Variants in MSI2 observed in about 807,000 individuals in gnomAD.
MSI2 encodes the protein RNA-binding protein Musashi homolog 2.
Under a neutral mutation model 45.6 loss-of-function variants are expected in MSI2, and 17 were observed. The observed-to-expected ratio is 0.37, with a 90% CI of 0.26 to 0.56. MSI2 has a LOEUF of 0.56. Among genes scored for constraint, MSI2 ranks in the 20% least tolerant of loss-of-function variants. The pLI is 0.77. For missense variants in MSI2, 293 were observed against 444.2 expected, an observed-to-expected ratio of 0.66 and a Z score of 3.06; for synonymous variants, 156 against 158.2, an observed-to-expected ratio of 0.99 and a Z score of 0.11.
At chr17:57,567,472 C>T (rs917330704) in intron 7 of MSI2, among the ~76,000 whole-genome samples, 7 of 152,214 alleles carry the variant, frequency 4.6e-5, no homozygotes, top group East Asian at 1.9e-4. Context: ...CTTGGCAGGC[C>T]GCCATGTTGT....
At chr17:57,663,206 C>T (rs1912124256) in intron 11 of MSI2, among the ~76,000 whole-genome samples, 1 of 152,194 alleles carries the variant, frequency 6.6e-6, no homozygotes. Flanking sequence ...GAGCAGCGGG[C>T]TTCTTGGCCA....
chr17:57,285,876 G>A lies in MSI2; in HGVS notation c.312+23684G>A, dbSNP rs1408255778. 5 of 1,524,940 alleles carry A rather than the reference G, an allele frequency of 3.3e-6. No homozygotes were observed. The East Asian group carries it at 1.2e-4, about 38-fold the overall frequency. 94.5% of individuals were successfully genotyped at this position (1,524,940 alleles called of 1,614,324 possible). ...TGTGTAGTTCTGATTTTCCGAACAG[G>A]TGTTTAGATGATGAGGGGTTATATT... On this transcript the variant is annotated intron_variant, in intron 5 of 13. Transcript: ENST00000284073.
chr17:57,627,475 GT>G lies in MSI2; in HGVS notation c.727+177del. Reference sequence around the variant, plus strand: ...GTTCAAGGCCAGGATGCAGCTCAGAGTTTTTGATTAACTCAGGTATAACTCA... The same window carrying G: ...GTTCAAGGCCAGGATGCAGCTCAGAGTTTTGATTAACTCAGGTATAACTCA... On this transcript the variant is annotated intron_variant, in intron 10 of 13. Coordinates refer to ENST00000284073, the MANE Select transcript of MSI2 (RefSeq NM_138962.4). This position sits in a 1 kb window ranked among gnomAD's most constrained non-coding sequence, Gnocchi z 4.6. 1.6e-6 allele frequency: 1 copy of G among 645,044 alleles called. No homozygotes were observed. Among genetic ancestry groups the G allele is most frequent in the East Asian group, 2.7e-5 (1 of 36,784 alleles). 40.0% of individuals were successfully genotyped at this position (645,044 alleles called of 1,614,324 possible).
chr17:57,390,961 C>T (rs1415726903), intron 5 of MSI2, among the ~76,000 whole-genome samples: 2 of 152,152 alleles, frequency 1.3e-5, no homozygotes, highest in African/African-American at 4.8e-5. Context: ...GATGATAGAT[C>T]GGGGGTGGCT....
At chr17:57,391,587 C>T (rs1305564302) in intron 5 of MSI2, among the ~76,000 whole-genome samples, 4 of 152,116 alleles carry the variant, frequency 2.6e-5, no homozygotes, top group Non-Finnish European at 5.9e-5. Context: ...AGGGCCCTAC[C>T]CCTCACCGTG....
At chr17:57,315,740 C>G (rs1912802433) in intron 5 of MSI2, among the ~76,000 whole-genome samples, 1 of 152,112 alleles carries the variant, frequency 6.6e-6, no homozygotes, top group Admixed American at 6.5e-5. Flanking sequence ...TCACATGGCC[C>G]ACAACTTTCC....
At chr17:57,672,550 C>T (rs545627858) in intron 11 of MSI2, among the ~76,000 whole-genome samples, 1 of 152,334 alleles carries the variant, frequency 6.6e-6, no homozygotes, top group Non-Finnish European at 1.5e-5. Flanking sequence ...AAACCTAAAC[C>T]TGCCTCTCCC....
At chr17:57,469,880 G>A (rs1025120334) in intron 6 of MSI2, among the ~76,000 whole-genome samples, 3 of 152,194 alleles carry the variant, frequency 2.0e-5, no homozygotes, top group Admixed American at 6.5e-5. Context: ...CATGGCCCAC[G>A]GGCCCCTGTC....
intron 5 of MSI2, among the ~76,000 whole-genome samples, chr17:57,306,157 G>A (rs181739561): frequency 1.3e-3 from 193 of 152,020 alleles, no homozygotes; most frequent in Admixed American, 6.0e-3. Flanking sequence ...CTCTGGGGAC[G>A]CTGAATCAGG....
At chr17:57,660,823 G>A (rs1911937892) in intron 11 of MSI2, among the ~76,000 whole-genome samples, 1 of 152,216 alleles carries the variant, frequency 6.6e-6, no homozygotes, top group Non-Finnish European at 1.5e-5. Context: ...AATGCAACAG[G>A]GGAGTAACTG....
At chr17:57,618,386 CA>C (rs1307148902) in intron 9 of MSI2, 1 of 152,146 alleles carries the variant, frequency 6.6e-6, no homozygotes, top group East Asian at 1.9e-4. Flanking sequence ...TAGAGCATAG[CA>C]AGACCTGTTT....
At chr17:57,338,310 G>A (rs1914850777) in intron 5 of MSI2, among the ~76,000 whole-genome samples, 1 of 152,104 alleles carries the variant, frequency 6.6e-6, no homozygotes. Flanking sequence ...GGCTGGTCCC[G>A]AACTCCTGAC....
intron 10 of MSI2, among the ~76,000 whole-genome samples, chr17:57,646,267 A>T (rs1190769859): frequency 6.6e-6 from 1 of 152,248 alleles, no homozygotes; most frequent in African/African-American, 2.4e-5. Context: ...TAAGTGCCAG[A>T]GAAGCAATAA....
intron 5 of MSI2, among the ~76,000 whole-genome samples, chr17:57,330,864 T>G (rs1256119073): frequency 1.3e-5 from 2 of 151,876 alleles, no homozygotes; most frequent in Non-Finnish European, 2.9e-5. Flanking sequence ...CTCGGTAAAA[T>G]GGGGGATTAG....
At chr17:57,318,551 G>T (rs1392479860) in intron 5 of MSI2, among the ~76,000 whole-genome samples, 1 of 152,126 alleles carries the variant, frequency 6.6e-6, no homozygotes, top group Non-Finnish European at 1.5e-5. Context: ...GGCTGTGTCA[G>T]GGTTGGGGCG....
intron 5 of MSI2, among the ~76,000 whole-genome samples, chr17:57,352,963 T>C (rs1288769394): frequency 6.6e-6 from 1 of 152,228 alleles, no homozygotes; most frequent in South Asian, 2.1e-4. Context: ...GGGTGACTCT[T>C]GTAATTTTAA....
chr17:57,628,464 A>G (rs1376077383), intron 10 of MSI2: 1 of 152,252 alleles, frequency 6.6e-6, no homozygotes, highest in East Asian at 1.9e-4. Flanking sequence ...GCCGTGCTCT[A>G]TGGCAGACAG....
chr17:57,700,459 G>A, the MSI2 span, among the ~76,000 whole-genome samples: 1 of 152,278 alleles, frequency 6.6e-6, no homozygotes, highest in South Asian at 2.1e-4. Context: ...AAAGAATTAG[G>A]TGACGGAAAT....
chr17:57,411,132 G>A (rs183117361), intron 6 of MSI2, among the ~76,000 whole-genome samples: 47 of 152,176 alleles, frequency 3.1e-4, no homozygotes, highest in Non-Finnish European at 6.2e-4. Flanking sequence ...AGCCTCCCAA[G>A]TAGCTAGGAC....
Sources: allele counts gnomAD v4.1 joint callset (sites outside exome capture counted in the v4.1 genomes callset), GRCh38; gene constraint gnomAD v4.1.1; non-coding constraint Gnocchi (gnomAD v3.1); transcripts MANE v1.5; gene names NCBI Gene and HGNC (gene_info 2026-07-23, HGNC 2026-07-21).